The following IGDCC4 variants were observed in gnomAD, a reference collection of about 807,000 sequenced individuals.
The protein encoded by IGDCC4 is immunoglobulin superfamily DCC subclass member 4, also known as likely ortholog of mouse neighbor of Punc E11.
In IGDCC4, 72 loss-of-function variants were observed where a neutral mutation model predicts 116.6. The ratio of observed to expected loss-of-function variants is 0.62; its 90% CI spans 0.51 to 0.75. The LOEUF (loss-of-function observed/expected upper bound fraction) is 0.75, where lower values mean the gene tolerates loss of function less well. Among genes scored for constraint, IGDCC4 ranks in the 30% least tolerant of loss-of-function variants. The pLI is 0.00. For synonymous variants in IGDCC4, 709 were observed against 719.9 expected (o/e 0.98, Z 0.24); for missense variants, 1,501 against 1,662.4 (o/e 0.90, Z 1.69).
At position 65,393,415 on chromosome 15, in the gene IGDCC4, C is replaced by T. The variant is rs770851730; in HGVS notation, c.1831G>A (p.Ala611Thr). Reference sequence around the variant, plus strand: ...CTGTGATGCATCCACTGGGAGGGGGCCCCGAAGCCGGCTGCTGTACCAGCC... The same window carrying T: ...CTGTGATGCATCCACTGGGAGGGGGTCCCGAAGCCGGCTGCTGTACCAGCC... ...ISAGTAAGFGAPSQWMHHRTP... is the reference protein window; with the variant it reads ...ISAGTAAGFGTPSQWMHHRTP... Residue 611 changes from alanine (A) to threonine (T), a missense_variant, in exon 10 of 20, where the codon GCC becomes ACC. Around this residue, in one of 3 missense-constraint regions of IGDCC4, gnomAD observed 898 missense variants for 978.9 expected, o/e 0.92. Coordinates refer to ENST00000352385, the MANE Select transcript of IGDCC4 (RefSeq NM_020962.3). The surrounding 1 kb of genome is among the most constrained non-coding windows in gnomAD (Gnocchi z 4.6). 2.5e-6 allele frequency: 4 copies of T among 1,613,486 alleles called. No individual in the cohort carries two copies. In the African/African-American group the frequency reaches 4.0e-5, roughly 16 times the overall value.
At chr15:65,414,431 T>C (rs540282308) in intron 1 of IGDCC4, among the ~76,000 whole-genome samples, 3 of 152,352 alleles carry the variant, frequency 2.0e-5, no homozygotes, top group African/African-American at 7.2e-5. Flanking sequence ...CCACGTGCTG[T>C]GGTGGAAACA....
In IGDCC4 at chr15:65,385,886, A is replaced by G; in HGVS notation, c.3125T>C (p.Val1042Ala). 1 of 1,612,694 alleles carries G rather than the reference A, an allele frequency of 6.2e-7. No individual in the cohort carries two copies. The highest frequency in any genetic ancestry group is 8.5e-7 in the Non-Finnish European group (1 of 1,179,986). ...AACACCGCCACCCATAAGGCTGTGC[A>G]CTTCAGCCCTGTCCTCCACGTCTGA... ...PPSDVEDRAE[V>A]HSLMGGGVSE... is the part of the protein sequence containing the mutation. Residue 1042 changes from valine to alanine, a missense_variant, in exon 18 of 20, where the codon GTG becomes GCG. Val to Ala is a moderately conservative substitution (Grantham distance 64). Around this residue, in one of 3 missense-constraint regions of IGDCC4, gnomAD observed 368 missense variants for 355.6 expected, o/e 1.03. Coordinates refer to ENST00000352385, the MANE Select transcript of IGDCC4 (RefSeq NM_020962.3).
chr15:65,383,837 TG>T lies in IGDCC4; in HGVS notation c.*171del, dbSNP rs1424307530. On this transcript the variant is annotated 3_prime_UTR_variant, in exon 20 of 20. Transcript: ENST00000352385. ...TGTCACATGTGTATCACAAAGAGTATGGGGGGAGTGAATAATCCATGTTTTC... is the reference window on the plus strand; with the variant it reads ...TGTCACATGTGTATCACAAAGAGTATGGGGGAGTGAATAATCCATGTTTTC... The T allele has an allele frequency of 1.8e-6, 1 of 559,580 alleles. No individual in the cohort carries two copies. 34.7% of individuals were successfully genotyped at this position (559,580 alleles called of 1,614,324 possible). A position where few individuals can be genotyped will look rare whatever the true frequency, so the allele number is the denominator to read the frequency against.
At position 65,388,592 on chromosome 15, in the gene IGDCC4, G is replaced by A; in HGVS notation, c.2708-6C>T. 6.2e-7 allele frequency: 1 copy of A among 1,614,028 alleles called. No homozygotes were observed. Among genetic ancestry groups the A allele is most frequent in the African/African-American group, 1.3e-5 (1 of 75,074 alleles). The stretch of plus-strand genomic sequence containing the variant: ...CTCAGCACTGAAGATGTTTCCTGGG[G>A]GTGAGGGAGGCAGGGAGAGCAGGGA... On this transcript the variant is annotated splice_region_variant and splice_polypyrimidine_tract_variant and intron_variant, in intron 15 of 19. Transcript: ENST00000352385.
At position 65,404,210 on chromosome 15, in the gene IGDCC4, G is replaced by A. The variant is rs557158484; in HGVS notation, c.564-1723C>T. Among the ~76,000 whole-genome samples, 111 of 152,272 alleles carry A rather than the reference G, an allele frequency of 7.3e-4. 1 individual carries two copies. The highest frequency in any genetic ancestry group is 2.6e-3 in the African/African-American group (107 of 41,544). ...GTGGCCCAAAGACTTAAAGGACTTA[G>A]AGAAAAAAAGCATAAATATGCCCTG... On this transcript the variant is annotated intron_variant, in intron 3 of 19. Transcript: ENST00000352385.
At chr15:65,410,609 G>A in intron 2 of IGDCC4, 1 of 499,980 alleles carries the variant, frequency 2.0e-6, no homozygotes, top group East Asian at 3.6e-5. Context: ...ATGGTGATCT[G>A]TGCCTCCTGA....
At chr15:65,402,243 T>C (rs1400716306) in intron 4 of IGDCC4, 108 bp downstream of exon 4, 2 of 1,297,956 alleles carry the variant, frequency 1.5e-6, no homozygotes, top group African/African-American at 3.0e-5. Context: ...GGGACTAACA[T>C]TTATCACCTA....
chr15:65,414,450 C>T (rs920128987), intron 1 of IGDCC4, among the ~76,000 whole-genome samples: 2 of 152,228 alleles, frequency 1.3e-5, no homozygotes, highest in African/African-American at 4.8e-5. Flanking sequence ...CAGCTTTTGA[C>T]CTTGGGGAAG....
At position 65,394,444 on chromosome 15, in the gene IGDCC4, T is replaced by C. The variant is rs762010264; in HGVS notation, c.1681A>G (p.Lys561Glu). The C allele has an allele frequency of 1.9e-6, 3 of 1,613,974 alleles. No individual in the cohort carries two copies. The African/African-American group carries it at 4.0e-5, about 22-fold the overall frequency. Residue 561 changes from lysine to glutamate, a missense_variant, in exon 9 of 20, where the codon AAG (lysine) becomes GAG (glutamate). Lys to Glu is a moderately conservative substitution (Grantham distance 56). Transcript: ENST00000352385. The stretch of plus-strand genomic sequence containing the variant: ...CCCAAACCGTATTCTATCTTGTACT[T>C]CACCACCTGCCCATTGCTCAGGCTG... ...PPSLSNGQVV[K>E]YKIEYGLGKE...
intron 1 of IGDCC4, among the ~76,000 whole-genome samples, chr15:65,419,128 C>T (rs2063168446): frequency 6.6e-6 from 1 of 151,924 alleles, no homozygotes; most frequent in Non-Finnish European, 1.5e-5. Context: ...GCCATCATAG[C>T]TTACCACAGT....
In IGDCC4 at chr15:65,384,233, C is replaced by G. The variant is rs1485960132; in HGVS notation, c.3529G>C (p.Ala1177Pro). 1 of 1,598,528 alleles carries G rather than the reference C, an allele frequency of 6.3e-7. No individual in the cohort carries two copies. The highest frequency in any genetic ancestry group is 1.3e-5 in the African/African-American group (1 of 74,682). ...ISGVGDPGQGAAWLDRELGGC... is the reference protein window; with the variant it reads ...ISGVGDPGQGPAWLDRELGGC... ...CCCAACTCCCTGTCCAGCCAGGCTG[C>G]CCCCTGCCCTGGATCCCCAACACCC... Residue 1177 changes from alanine to proline, a missense_variant, in exon 20 of 20, where the codon GCA becomes CCA. By Grantham distance (27) the Ala-to-Pro change is conservative. Coordinates refer to ENST00000352385, the MANE Select transcript of IGDCC4 (RefSeq NM_020962.3). This position sits in a 1 kb window ranked among gnomAD's most constrained non-coding sequence, Gnocchi z 4.9.
In IGDCC4 at chr15:65,394,451, C is replaced by T. The variant is rs2062899352; in HGVS notation, c.1674G>A (p.Gln558=). 1.2e-6 allele frequency: 2 copies of T among 1,614,008 alleles called. No homozygotes were observed. Among genetic ancestry groups the T allele is most frequent in the Non-Finnish European group, 1.7e-6 (2 of 1,180,014 alleles). ...CGTATTCTATCTTGTACTTCACCAC[C>T]TGCCCATTGCTCAGGCTGGGGGGCA... ...LPLPPSLSNG[Q]VVKYKIEYGL... The change falls in exon 9 of 20, where the codon CAG becomes CAA. Residue 558 remains glutamine, a synonymous_variant. Transcript: ENST00000352385.
chr15:65,404,941 A>G (rs749753095), intron 3 of IGDCC4, among the ~76,000 whole-genome samples: 13 of 152,172 alleles, frequency 8.5e-5, no homozygotes, highest in South Asian at 2.1e-4. Context: ...AGTTCCAGCT[A>G]TTCAGGAGGC....
rs144621762 is a variant in IGDCC4, at chr15:65,394,606, G to A, written c.1577-58C>T. ...TCCACCGACGTGGAAGGTGAGGCTCGGGAGCGGTCAGAGACTTGCCTGGGT... is the reference window on the plus strand; with the variant it reads ...TCCACCGACGTGGAAGGTGAGGCTCAGGAGCGGTCAGAGACTTGCCTGGGT... On this transcript the variant is annotated intron_variant, in intron 8 of 19. Coordinates refer to ENST00000352385, the MANE Select transcript of IGDCC4 (RefSeq NM_020962.3). 5.8e-4 allele frequency: 887 copies of A among 1,518,044 alleles called. 9 individuals are homozygous for A. In the East Asian group the frequency reaches 0.018, roughly 32 times the overall value. The allele number at this position is 1,518,044 out of a possible 1,614,324, so 94.0% of individuals were successfully genotyped here.
Position 65,382,415 on chromosome 15 carries a change from A to T in IGDCC4, c.*1594T>A, listed in dbSNP as rs1371114566. On this transcript the variant is annotated 3_prime_UTR_variant, in exon 20 of 20. Coordinates refer to ENST00000352385, the MANE Select transcript of IGDCC4 (RefSeq NM_020962.3). ...GAGACATTCCACCATTTAAAAAAAA[A>T]AAAAAAAAAAAGGAAAAATGGACTG... The T allele has an allele frequency of 1.1e-4, 17 of 152,328 alleles. No homozygotes were observed. Among genetic ancestry groups the T allele is most frequent in the Admixed American group, 1.1e-3 (17 of 15,244 alleles). The allele number at this position is 152,328 out of a possible 1,614,324, so 9.4% of individuals were successfully genotyped here. A position where few individuals can be genotyped will look rare whatever the true frequency, so the allele number is the denominator to read the frequency against.
Position 65,422,852 on chromosome 15 carries a change from C to T in IGDCC4, c.11G>A (p.Gly4Glu). Reference sequence around the variant, plus strand: ...GAGCCCGCGGCCGCGGCCGGCGTCCCCCCGCGCCATGGGGCTGGGCTCGGG... The same window carrying T: ...GAGCCCGCGGCCGCGGCCGGCGTCCTCCCGCGCCATGGGGCTGGGCTCGGG... MARGDAGRGRGLLA... is the reference protein window; with the variant it reads MAREDAGRGRGLLA... The change falls in exon 1 of 20, where the codon GGG becomes GAG. Residue 4 changes from glycine (G) to glutamate (E), a missense_variant. By Grantham distance (98) the Gly-to-Glu change is moderately conservative. Transcript: ENST00000352385. 8.4e-7 allele frequency: 1 copy of T among 1,192,062 alleles called. No homozygotes were observed. The highest frequency in any genetic ancestry group is 1.0e-6 in the Non-Finnish European group (1 of 959,214). The allele number at this position is 1,192,062 out of a possible 1,614,324, so 73.8% of individuals were successfully genotyped here.
intron 4 of IGDCC4, 129 bp from the exon 5 acceptor site, chr15:65,401,075 GGGGACGTAGCCATAA>G: frequency 5.0e-6 from 6 of 1,196,560 alleles, no homozygotes; most frequent in Non-Finnish European, 7.1e-6. Flanking sequence ...CTGTCAGATG[GGGGACGTAGCCATAA>G]AATTCAGCAG....
At position 65,386,587 on chromosome 15, in the gene IGDCC4, G is replaced by T. The variant is rs1294119131; in HGVS notation, c.2915C>A (p.Ala972Asp). Residue 972 changes from alanine to aspartate, a missense_variant, in exon 17 of 20, where the codon GCC (alanine) becomes GAC (aspartate). Transcript: ENST00000352385. ...GCGGCGCAGGCCAGCACACATGCAG[G>T]CCAGGAGGCAGAGGAGGCCCAGGCA... is the stretch of plus-strand genomic sequence containing the variant. Reference protein sequence around the residue: ...GVCLGLLCLLACMCAGLRRSP... With the variant: ...GVCLGLLCLLDCMCAGLRRSP... 1.9e-6 allele frequency: 3 copies of T among 1,611,234 alleles called. No individual in the cohort carries two copies. Among genetic ancestry groups the T allele is most frequent in the Non-Finnish European group, 2.5e-6 (3 of 1,179,630 alleles).
chr15:65,394,958 G>A (rs1212536092), intron 8 of IGDCC4, 136 bp downstream of exon 8: 22 of 957,112 alleles, frequency 2.3e-5, no homozygotes, highest in Non-Finnish European at 2.9e-5. Flanking sequence ...GAAGAACCCC[G>A]CCCACTCTCT....
Sources: allele counts gnomAD v4.1 joint callset (sites outside exome capture counted in the v4.1 genomes callset), GRCh38; gene constraint gnomAD v4.1.1; regional missense constraint gnomAD v4.1.1; non-coding constraint Gnocchi (gnomAD v3.1); transcripts MANE v1.5; gene names NCBI Gene and HGNC (gene_info 2026-07-23, HGNC 2026-07-21).